Variants in PIK3CD observed in about 807,000 individuals in gnomAD.
PIK3CD encodes the protein phosphatidylinositol 4,5-bisphosphate 3-kinase catalytic subunit delta isoform.
A neutral mutation model predicts 122.9 loss-of-function variants in PIK3CD; 20 were observed. The observed-to-expected ratio is 0.16, with a 90% CI of 0.11 to 0.24. The LOEUF (loss-of-function observed/expected upper bound fraction) is 0.24. PIK3CD is among the 10% of genes least tolerant of loss of function. The pLI, the probability that PIK3CD is intolerant of heterozygous loss-of-function variation, is 1.00. For missense variants in PIK3CD, 787 were observed against 1,406.3 expected, an observed-to-expected ratio of 0.56 and a Z score of 7.04; for synonymous variants, 596 against 593.4, an observed-to-expected ratio of 1.00 and a Z score of -0.06.
chr1:9,713,992 A>G (rs1647163196), intron 3 of PIK3CD, among the ~76,000 whole-genome samples: 1 of 151,678 alleles, frequency 6.6e-6, no homozygotes, highest in Non-Finnish European at 1.5e-5. Flanking sequence ...AGCTGGGACT[A>G]CAGGTGCATG....
chr1:9,675,211 C>T (rs1446565062), intron 1 of PIK3CD, among the ~76,000 whole-genome samples: 1 of 150,688 alleles, frequency 6.6e-6, no homozygotes, highest in African/African-American at 2.4e-5. Flanking sequence ...CGGTGAAACC[C>T]CGTCTCTACT....
chr1:9,705,323 C>CAAA (rs563873650), intron 2 of PIK3CD, among the ~76,000 whole-genome samples: 38 of 57,574 alleles, frequency 6.6e-4, no homozygotes, highest in African/African-American at 2.3e-3. Context: ...TTAAAAATAC[C>CAAA]AAAAAAAAAA....
rs764084672 is a variant in PIK3CD at position 9,721,426 on chromosome 1, C to T, written c.1812-18C>T. ...TGAGTCGGGGAGCTCCAGGCCCCAG[C>T]GCCTTCCTTCCCTGCAGGGACGATG... On this transcript the variant is annotated intron_variant, in intron 14 of 23. Coordinates refer to ENST00000377346, the MANE Select transcript of PIK3CD (RefSeq NM_005026.5). The T allele has an allele frequency of 7.1e-5, 114 of 1,612,704 alleles. No homozygotes were observed. Among genetic ancestry groups the T allele is most frequent in the Non-Finnish European group, 9.1e-5 (107 of 1,179,984 alleles).
At chr1:9,627,732 T>C in the PIK3CD span, among the ~76,000 whole-genome samples, 44 of 152,274 alleles carry the variant, frequency 2.9e-4, no homozygotes, top group African/African-American at 8.9e-4. Context: ...CAGGCCTCCC[T>C]TATCGCGGCC....
At position 9,686,771 on chromosome 1, in the gene PIK3CD, T is replaced by C. The variant is rs1645980849; in HGVS notation, c.-137-4696T>C. Reference sequence around the variant, plus strand: ...GAGCTGTGAACAAAGAATCAGAGACTGGTTTTTCCTCCATCTCTGCCACTA... The same window carrying C: ...GAGCTGTGAACAAAGAATCAGAGACCGGTTTTTCCTCCATCTCTGCCACTA... On this transcript the variant is annotated intron_variant, in intron 1 of 23. Coordinates refer to ENST00000377346, the MANE Select transcript of PIK3CD (RefSeq NM_005026.5). 2.0e-5 allele frequency among the ~76,000 whole-genome samples: 3 copies of C among 152,250 alleles called. No homozygotes were observed. The South Asian group carries it at 6.2e-4, about 31-fold the overall frequency.
In PIK3CD at chr1:9,720,235, T is replaced by C; in HGVS notation, c.1463T>C (p.Leu488Pro). The C allele has an allele frequency of 6.2e-7, 1 of 1,605,342 alleles. No individual in the cohort carries two copies. The highest frequency in any genetic ancestry group is 8.5e-7 in the Non-Finnish European group (1 of 1,174,208). ...VAPHPVYYPA[L>P]EKILELGRHS... Reference sequence around the variant, plus strand: ...CCGCACCCCGTGTACTACCCCGCCCTGGAGAAGGTCAGTGGGGGCCCCGCC... The same window carrying C: ...CCGCACCCCGTGTACTACCCCGCCCCGGAGAAGGTCAGTGGGGGCCCCGCC... The change falls in exon 11 of 24, where the codon CTG (leucine) becomes CCG (proline). Residue 488 changes from leucine (L) to proline (P), a missense_variant. Coordinates refer to ENST00000377346, the MANE Select transcript of PIK3CD (RefSeq NM_005026.5). This position sits in a 1 kb window ranked among gnomAD's most constrained non-coding sequence, Gnocchi z 9.0.
At chr1:9,654,359 G>A (rs1644775384) in intron 1 of PIK3CD, 2 of 1,367,704 alleles carry the variant, frequency 1.5e-6, no homozygotes, top group Non-Finnish European at 2.0e-6. Context: ...CCGATACCAT[G>A]TTTAGCAAGT....
Position 9,719,545 on chromosome 1 carries a change from C to T in PIK3CD, c.1243-376C>T, listed in dbSNP as rs1648140394. 6.6e-6 allele frequency among the ~76,000 whole-genome samples: 1 copy of T among 152,064 alleles called. No homozygotes were observed. Among genetic ancestry groups the T allele is most frequent in the Non-Finnish European group, 1.5e-5 (1 of 68,028 alleles). On this transcript the variant is annotated intron_variant, in intron 9 of 23. Coordinates refer to ENST00000377346, the MANE Select transcript of PIK3CD (RefSeq NM_005026.5). The surrounding 1 kb of genome is among the most constrained non-coding windows in gnomAD (Gnocchi z 5.5). ...GCGTGGAGGCACATGCCTGTAATCT[C>T]AGCTACTTGGGAGGCTGAGGCAGGA...
chr1:9,649,294 A>T (rs1644635549), upstream of PIK3CD, among the ~76,000 whole-genome samples: 1 of 151,534 alleles, frequency 6.6e-6, no homozygotes, highest in Non-Finnish European at 1.5e-5. Flanking sequence ...GCAGTGGCAC[A>T]GTTATGGCTC....
Position 9,715,943 on chromosome 1 carries a change from G to A in PIK3CD, c.465G>A (p.Gln155=), listed in dbSNP as rs748054139. 1.2e-6 allele frequency: 2 copies of A among 1,612,526 alleles called. No individual in the cohort carries two copies. Among genetic ancestry groups the A allele is most frequent in the Non-Finnish European group, 1.7e-6 (2 of 1,179,874 alleles). ...GCGAGGAGGCGGCCGCCCGCCGGCA[G>A]CAGCTGGGCTGGGAGGCCTGGCTGC... ...QFCEEAAARR[Q]QLGWEAWLQY... The change falls in exon 5 of 24, where the codon CAG becomes CAA. Residue 155 remains glutamine, a synonymous_variant. Coordinates refer to ENST00000377346, the MANE Select transcript of PIK3CD (RefSeq NM_005026.5). The surrounding 1 kb of genome is among the most constrained non-coding windows in gnomAD (Gnocchi z 4.1).
Position 9,722,982 on chromosome 1 carries a change from A to G in PIK3CD, c.2427-143A>G, listed in dbSNP as rs1648929717. The G allele has an allele frequency of 1.1e-5, 9 of 831,446 alleles. No individual in the cohort carries two copies. Among genetic ancestry groups the G allele is most frequent in the Non-Finnish European group, 6.2e-6 (3 of 482,322 alleles). The allele number at this position is 831,446 out of a possible 1,614,324, so 51.5% of individuals were successfully genotyped here. ...CTGGTGCCGGCATCTCCAAGGAGCCAGCATCTCTCACCTGCTTTTTAGCAA... is the reference window on the plus strand; with the variant it reads ...CTGGTGCCGGCATCTCCAAGGAGCCGGCATCTCTCACCTGCTTTTTAGCAA... On this transcript the variant is annotated intron_variant, in intron 19 of 23. Coordinates refer to ENST00000377346, the MANE Select transcript of PIK3CD (RefSeq NM_005026.5). The surrounding 1 kb of genome is among the most constrained non-coding windows in gnomAD (Gnocchi z 7.6).
rs766202243 is a variant in PIK3CD at position 9,689,864 on chromosome 1, G to T, written c.-137-1603G>T. ...TCGGTGGAGGCGATCAGGGGTCCGGGGCCGTGGGGGCTTGGGGGGCCGAGG... is the reference window on the plus strand; with the variant it reads ...TCGGTGGAGGCGATCAGGGGTCCGGTGCCGTGGGGGCTTGGGGGGCCGAGG... On this transcript the variant is annotated intron_variant, in intron 1 of 23. Transcript: ENST00000377346. This position sits in a 1 kb window ranked among gnomAD's most constrained non-coding sequence, Gnocchi z 6.1. 6.6e-6 allele frequency among the ~76,000 whole-genome samples: 1 copy of T among 151,860 alleles called. No homozygotes were observed. Among genetic ancestry groups the T allele is most frequent in the South Asian group, 2.1e-4 (1 of 4,820 alleles).
intron 1 of PIK3CD, among the ~76,000 whole-genome samples, chr1:9,680,249 T>C (rs1645698769): frequency 6.8e-6 from 1 of 146,264 alleles, no homozygotes; most frequent in African/African-American, 2.8e-5. Flanking sequence ...GTGCTAGGAT[T>C]ACAGGTGTCA....
At chr1:9,690,816 C>T (rs1403398659) in intron 1 of PIK3CD, among the ~76,000 whole-genome samples, 1 of 152,180 alleles carries the variant, frequency 6.6e-6, no homozygotes, top group African/African-American at 2.4e-5. Flanking sequence ...CGAAGGCTCC[C>T]AGCTGTGGAG....
rs201756280 is a variant in PIK3CD at position 9,710,777 on chromosome 1, GGTTT to G, written c.141+202_141+205del. On this transcript the variant is annotated intron_variant, in intron 3 of 23. Coordinates refer to ENST00000377346, the MANE Select transcript of PIK3CD (RefSeq NM_005026.5). This position sits in a 1 kb window ranked among gnomAD's most constrained non-coding sequence, Gnocchi z 4.7. The stretch of plus-strand genomic sequence containing the variant: ...ATGAGAATTTTAAAAGATAAATAAT[GGTTT>G]GTTTGTTTGTTTGTTTGTTTTGAGA... Among the ~76,000 whole-genome samples, 927 of 151,966 alleles carry G rather than the reference GGTTT, an allele frequency of 6.1e-3. 16 individuals carry two copies. Among genetic ancestry groups the G allele is most frequent in the East Asian group, 0.044 (225 of 5,166 alleles).
chr1:9,715,694 C>T lies in PIK3CD; in HGVS notation c.295C>T (p.Leu99=), dbSNP rs760378876. 1.4e-5 allele frequency: 23 copies of T among 1,613,676 alleles called. No homozygotes were observed. In the South Asian group the frequency reaches 2.1e-4, roughly 15 times the overall value. ...TGACGTGCAGCCCTTCCTGCCCGTC[C>T]TGCGCCTGGTGGCCCGTGAGGGCGA... ...LCDVQPFLPV[L]RLVAREGDRV... The change falls in exon 4 of 24, where the codon CTG becomes TTG. Residue 99 remains leucine (L), a synonymous_variant. Coordinates refer to ENST00000377346, the MANE Select transcript of PIK3CD (RefSeq NM_005026.5). The surrounding 1 kb of genome is among the most constrained non-coding windows in gnomAD (Gnocchi z 4.1).
rs1408907553 is a variant in PIK3CD, at chr1:9,715,133, C to T, written c.142-408C>T. On this transcript the variant is annotated intron_variant, in intron 3 of 23. Transcript: ENST00000377346. This position sits in a 1 kb window ranked among gnomAD's most constrained non-coding sequence, Gnocchi z 4.1. ...CAGAGGTTGCAGTGAGCCAGGATTG[C>T]GCCACTGCACTCCAACCTGGGCGAC... is the stretch of plus-strand genomic sequence containing the variant. 6.6e-6 allele frequency among the ~76,000 whole-genome samples: 1 copy of T among 152,150 alleles called. No individual in the cohort carries two copies. The highest frequency in any genetic ancestry group is 2.4e-5 in the African/African-American group (1 of 41,436).
At chr1:9,641,632 G>A in the PIK3CD span, among the ~76,000 whole-genome samples, 3 of 151,970 alleles carry the variant, frequency 2.0e-5, no homozygotes, top group Non-Finnish European at 4.4e-5. Flanking sequence ...CCACCTCTGC[G>A]CTGTCTGCTC....
At chr1:9,695,853 A>AAAAAAGAAAAG (rs1406553453) in intron 2 of PIK3CD, among the ~76,000 whole-genome samples, 5,876 of 150,266 alleles carry the variant, frequency 0.039, 406 homozygotes, top group African/African-American at 0.14. Flanking sequence ...CAAAAAAAAA[A>AAAAAAGAAAAG]AAAAGAAAAG....
Sources: allele counts gnomAD v4.1 joint callset (sites outside exome capture counted in the v4.1 genomes callset), GRCh38; gene constraint gnomAD v4.1.1; non-coding constraint Gnocchi (gnomAD v3.1); transcripts MANE v1.5; gene names NCBI Gene and HGNC (gene_info 2026-07-23, HGNC 2026-07-21).